The following NRXN3 variants were observed in gnomAD, a reference collection of about 807,000 sequenced individuals.
The protein encoded by NRXN3 is neurexin III.
A neutral mutation model predicts 137.6 loss-of-function variants in NRXN3; 32 were observed. The observed-to-expected ratio is 0.23, with a 90% confidence interval of 0.18 to 0.31. NRXN3 has a LOEUF of 0.31. NRXN3 is among the 10% of genes least tolerant of loss of function. The probability of loss-of-function intolerance (pLI) is 1.00; values close to 1 mark genes in which losing one functional copy is unlikely to be tolerated. For missense variants in NRXN3, 1,574 were observed against 2,062.5 expected, an observed-to-expected ratio of 0.76 and a Z score of 4.59; for synonymous variants, 798 against 784.5, an observed-to-expected ratio of 1.02 and a Z score of -0.29.
chr14:78,652,503 T>G (rs1042001635), intron 6 of NRXN3, among the ~76,000 whole-genome samples: 2 of 152,240 alleles, frequency 1.3e-5, no homozygotes, highest in African/African-American at 2.4e-5. Context: ...GCCGAAGATA[T>G]CTATACCATC....
intron 6 of NRXN3, among the ~76,000 whole-genome samples, chr14:78,701,334 C>T (rs12436078): frequency 0.12 from 18,175 of 152,214 alleles, 1,148 homozygotes; most frequent in Admixed American, 0.15. Context: ...TTAAAGCCTA[C>T]GCTTAACTTG....
rs75126829 is a variant in NRXN3, at chr14:79,250,269, TGAA to T, written c.3263-216950_3263-216948del. On this transcript the variant is annotated intron_variant, in intron 15 of 20. Transcript: ENST00000335750. ...ATTGGACTACAGAGACTAGGCAATG[TGAA>T]GGAGAGAAATATGATGTAGGCTTTG... Among the ~76,000 whole-genome samples, 475 of 152,192 alleles carry T rather than the reference TGAA, an allele frequency of 3.1e-3. 8 individuals are homozygous for T. In the South Asian group the frequency reaches 0.048, roughly 15 times the overall value.
At chr14:79,748,741 G>A (rs1053310314) in intron 19 of NRXN3, among the ~76,000 whole-genome samples, 1 of 151,802 alleles carries the variant, frequency 6.6e-6, no homozygotes, top group Non-Finnish European at 1.5e-5. Flanking sequence ...GGCTAGCACT[G>A]GTACTCTTTC....
rs1043474589 is a variant in NRXN3 at position 79,267,572 on chromosome 14, G to A, written c.3263-199649G>A. Among the ~76,000 whole-genome samples, 14 of 151,818 alleles carry A rather than the reference G, an allele frequency of 9.2e-5. No individual in the cohort carries two copies. The South Asian group carries it at 1.5e-3, about 16-fold the overall frequency. ...GGGGTTTCACCATGTTGGCCAGGCT[G>A]GTCTTGAACTCCTGGCCTCAAGTGA... On this transcript the variant is annotated intron_variant, in intron 15 of 20. Transcript: ENST00000335750.
At chr14:79,436,010 G>T (rs1014543138) in intron 15 of NRXN3, among the ~76,000 whole-genome samples, 11 of 152,070 alleles carry the variant, frequency 7.2e-5, no homozygotes, top group Non-Finnish European at 1.2e-4. Flanking sequence ...GAAGTAATAG[G>T]TTCTGGAATG....
At chr14:78,407,074 T>C (rs1255808065) in intron 4 of NRXN3, among the ~76,000 whole-genome samples, 1 of 152,176 alleles carries the variant, frequency 6.6e-6, no homozygotes, top group Non-Finnish European at 1.5e-5. Context: ...GATATGACAT[T>C]TGTTGTTTCA....
At chr14:79,175,453 T>C (rs2062232498) in intron 15 of NRXN3, among the ~76,000 whole-genome samples, 1 of 152,254 alleles carries the variant, frequency 6.6e-6, no homozygotes, top group Non-Finnish European at 1.5e-5. Flanking sequence ...AAAAATTTTA[T>C]AAACTTACAA....
chr14:79,225,849 A>C (rs144373418), intron 15 of NRXN3, among the ~76,000 whole-genome samples: 4,187 of 152,102 alleles, frequency 0.028, 140 homozygotes, highest in South Asian at 0.085. Context: ...CTGAAAACTG[A>C]GGGCCATTGG....
At chr14:78,456,152 T>G (rs1165308054) in intron 4 of NRXN3, among the ~76,000 whole-genome samples, 1 of 152,220 alleles carries the variant, frequency 6.6e-6, no homozygotes, top group Non-Finnish European at 1.5e-5. Flanking sequence ...CAAACAGCAC[T>G]GTTGTCTTCC....
chr14:79,442,813 A>G (rs1053085492), intron 15 of NRXN3, among the ~76,000 whole-genome samples: 3 of 152,074 alleles, frequency 2.0e-5, no homozygotes. Context: ...TCTTTATTTT[A>G]TCTTTTGGTA....
intron 1 of NRXN3, among the ~76,000 whole-genome samples, chr14:78,181,423 G>A (rs1230882136): frequency 1.3e-5 from 2 of 152,144 alleles, no homozygotes; most frequent in Non-Finnish European, 2.9e-5. Flanking sequence ...GGGAGTGCAG[G>A]CTGAGGACAT....
At chr14:79,354,007 C>T (rs2093327875) in intron 15 of NRXN3, among the ~76,000 whole-genome samples, 1 of 152,080 alleles carries the variant, frequency 6.6e-6, no homozygotes, top group South Asian at 2.1e-4. Flanking sequence ...TCTATAACAG[C>T]TACGACATCT....
At chr14:79,450,019 T>C (rs2096139052) in intron 15 of NRXN3, among the ~76,000 whole-genome samples, 1 of 140,256 alleles carries the variant, frequency 7.1e-6, no homozygotes, top group African/African-American at 2.6e-5. Flanking sequence ...AAAAAAGATA[T>C]AGAATCTTAC....
At chr14:79,246,601 CCTT>C (rs1283051182) in intron 15 of NRXN3, 1 of 152,156 alleles carries the variant, frequency 6.6e-6, no homozygotes, top group African/African-American at 2.4e-5. Context: ...CACATCATGG[CCTT>C]CTTTAAATGT....
intron 4 of NRXN3, among the ~76,000 whole-genome samples, chr14:78,324,579 G>C (rs1181434158): frequency 6.6e-6 from 1 of 152,122 alleles, no homozygotes; most frequent in Non-Finnish European, 1.5e-5. Flanking sequence ...GAAATTTACA[G>C]AGACAGTTAA....
intron 19 of NRXN3, among the ~76,000 whole-genome samples, chr14:79,797,485 C>T (rs2099164499): frequency 6.6e-6 from 1 of 151,526 alleles, no homozygotes; most frequent in African/African-American, 2.4e-5. Flanking sequence ...AGAATTCTGT[C>T]CCTTCACCTC....
chr14:78,380,439 A>T (rs1475431211), intron 4 of NRXN3, among the ~76,000 whole-genome samples: 1 of 152,060 alleles, frequency 6.6e-6, no homozygotes, highest in Non-Finnish European at 1.5e-5. Context: ...ATCATCCTGG[A>T]TTATCTGGGT....
rs115632932 is a variant in NRXN3, at chr14:78,270,088, G to A, written c.710-8557G>A. 3.8e-4 allele frequency among the ~76,000 whole-genome samples: 58 copies of A among 152,240 alleles called. 1 individual carries two copies. Among genetic ancestry groups the A allele is most frequent in the South Asian group, 1.7e-3 (8 of 4,812 alleles). ...TTTACAGATGGGGAGGTTAGGGCTC[G>A]AAGAGATTGGCTAACATGCCTGAGC... On this transcript the variant is annotated intron_variant, in intron 2 of 20. Transcript: ENST00000335750.
intron 5 of NRXN3, among the ~76,000 whole-genome samples, chr14:78,646,585 T>C (rs2097690220): frequency 6.6e-6 from 1 of 152,214 alleles, no homozygotes; most frequent in Admixed American, 6.5e-5. Context: ...TCCTTACGAA[T>C]ACTAAACAAA....
Sources: gnomAD v4.1 joint callset for allele counts (sites outside exome capture counted in the v4.1 genomes callset) on GRCh38, gnomAD v4.1.1 for gene constraint, MANE v1.5 for transcripts, NCBI Gene and HGNC (gene_info 2026-07-23, HGNC 2026-07-21) for gene names.